Variants in GSE1 observed in about 807,000 individuals in gnomAD.
GSE1 encodes genetic suppressor element 1.
A neutral mutation model predicts 112.6 loss-of-function variants in GSE1; 32 were observed. The ratio of observed to expected loss-of-function variants is 0.28; its 90% CI spans 0.21 to 0.38. The LOEUF is 0.38. Ranked by LOEUF, GSE1 falls within the 10% of genes least tolerant of loss-of-function variation. The pLI is 1.00. For synonymous variants in GSE1, 1,115 were observed against 735.6 expected (o/e 1.52, Z -8.35); for missense variants, 2,348 against 1,699.2 (o/e 1.38, Z -6.71).
rs138022357 is a variant in GSE1 at position 85,378,196 on chromosome 16, G to A, written c.2464+20553G>A. ...CAGTGGGGGTAGGGCTCCCTCCTCC[G>A]TGGCAGGCTCTAGAAAGGCCAAGCT... is the stretch of plus-strand genomic sequence containing the variant. On this transcript the variant is annotated intron_variant, in intron 2 of 2. Transcript: ENST00000637419. Among the ~76,000 whole-genome samples the A allele has an allele frequency of 3.1e-3, 466 of 152,272 alleles. 3 individuals carry two copies. Among genetic ancestry groups the A allele is most frequent in the African/African-American group, 0.011 (447 of 41,558 alleles).
At chr16:85,650,518 C>A (rs1326478107) in intron 3 of GSE1, among the ~76,000 whole-genome samples, 3 of 152,226 alleles carry the variant, frequency 2.0e-5, no homozygotes, top group African/African-American at 7.2e-5. Flanking sequence ...GAGGGGATTC[C>A]AGCGCCTTTT....
intron 2 of GSE1, among the ~76,000 whole-genome samples, chr16:85,482,211 CAGTG>C (rs1468326349): frequency 6.7e-6 from 1 of 149,570 alleles, no homozygotes; most frequent in African/African-American, 2.6e-5. Flanking sequence ...TGATGGGAGA[CAGTG>C]GGTGAGGGTC....
At chr16:85,453,691 C>T (rs929400586) in intron 2 of GSE1, among the ~76,000 whole-genome samples, 25 of 152,194 alleles carry the variant, frequency 1.6e-4, no homozygotes, top group African/African-American at 5.5e-4. Context: ...GAAGAGGGGG[C>T]GCCACTGCCT....
rs55650214 is a variant in GSE1, at chr16:85,500,998, G to GTTTTTTTTTTT, written c.2465-132901_2465-132891dup. Among the ~76,000 whole-genome samples, 14 of 64,828 alleles carry GTTTTTTTTTTT rather than the reference G, an allele frequency of 2.2e-4. 1 individual carries two copies. Among genetic ancestry groups the GTTTTTTTTTTT allele is most frequent in the East Asian group, 5.5e-4 (1 of 1,824 alleles). The allele number at this position is 64,828 out of a possible 152,430, so 42.5% of individuals were successfully genotyped here. ...ACCCTACTCCAGTATGGCCTGTTCT[G>GTTTTTTTTTTT]TTTTTTTTTTTTTTTTTTTTTTTTT... On this transcript the variant is annotated intron_variant, in intron 2 of 2. Coordinates refer to the GSE1 transcript ENST00000637419.
chr16:85,297,744 C>CA (rs1004439302), intron 1 of GSE1, among the ~76,000 whole-genome samples: 4 of 152,220 alleles, frequency 2.6e-5, no homozygotes, highest in African/African-American at 9.6e-5. Context: ...CTCCTGGCCT[C>CA]AAGGGATCCT....
Position 85,425,962 on chromosome 16 carries a change from A to C in GSE1, c.2464+68319A>C, listed in dbSNP as rs770295735. Among the ~76,000 whole-genome samples, 3 of 152,160 alleles carry C rather than the reference A, an allele frequency of 2.0e-5. No homozygotes were observed. In the East Asian group the frequency reaches 5.8e-4, roughly 29 times the overall value. ...TTGTCAGTGGCGAGGCCGGGATTCAAACTTTAGACAGTCATGCTCTGGAAT... is the reference window on the plus strand; with the variant it reads ...TTGTCAGTGGCGAGGCCGGGATTCACACTTTAGACAGTCATGCTCTGGAAT... On this transcript the variant is annotated intron_variant, in intron 2 of 2. Coordinates refer to the GSE1 transcript ENST00000637419.
chr16:85,417,999 C>T (rs936899018), intron 2 of GSE1, among the ~76,000 whole-genome samples: 11 of 152,156 alleles, frequency 7.2e-5, no homozygotes, highest in Non-Finnish European at 1.0e-4. Flanking sequence ...CCACCATGCC[C>T]AGCTAATTTT....
chr16:85,307,599 C>T (rs768029017), intron 1 of GSE1, among the ~76,000 whole-genome samples: 39 of 48,866 alleles, frequency 8.0e-4, no homozygotes, highest in African/African-American at 1.9e-3. Context: ...ATGACAACAG[C>T]GTGTGATGGC....
intron 14 of GSE1, 75 bp downstream of exon 14, chr16:85,668,499 A>G: frequency 1.0e-6 from 1 of 1,003,566 alleles, no homozygotes; most frequent in Admixed American, 2.0e-5. Context: ...TGATGAGTTC[A>G]TGCAGACCTC....
chr16:85,464,514 C>T (rs899389997), intron 2 of GSE1, among the ~76,000 whole-genome samples: 5 of 152,248 alleles, frequency 3.3e-5, no homozygotes, highest in African/African-American at 1.2e-4. Flanking sequence ...CGGCAGCCCC[C>T]AGACGGCCTC....
At chr16:85,588,369 G>T (rs958159013) in intron 1 of GSE1, among the ~76,000 whole-genome samples, 3 of 152,126 alleles carry the variant, frequency 2.0e-5, no homozygotes, top group East Asian at 1.9e-4. Context: ...GCGGGCCTTG[G>T]GGGGCCCGTG....
intron 2 of GSE1, among the ~76,000 whole-genome samples, chr16:85,645,702 C>G (rs887617988): frequency 9.9e-5 from 15 of 152,214 alleles, no homozygotes; most frequent in Non-Finnish European, 1.9e-4. Context: ...GGAGATGAGG[C>G]TGCTTCTGCC....
intron 1 of GSE1, among the ~76,000 whole-genome samples, chr16:85,303,715 C>T (rs1331259399): frequency 1.3e-5 from 2 of 152,264 alleles, no homozygotes; most frequent in African/African-American, 4.8e-5. Context: ...GCCACAGGCA[C>T]CGGCCGCCGC....
chr16:85,191,563 C>T (rs544645246), intron 1 of GSE1, among the ~76,000 whole-genome samples: 3 of 152,290 alleles, frequency 2.0e-5, no homozygotes, highest in African/African-American at 7.2e-5. Flanking sequence ...GCTGATCTTT[C>T]CTGTTTCCCC....
At chr16:85,315,481 C>T (rs982348765) in intron 1 of GSE1, among the ~76,000 whole-genome samples, 2 of 152,070 alleles carry the variant, frequency 1.3e-5, no homozygotes, top group African/African-American at 4.8e-5. Flanking sequence ...TGCCTGGGAG[C>T]GGGCAGAGCC....
chr16:85,309,521 T>TAAATAAATA (rs569353129), intron 1 of GSE1, among the ~76,000 whole-genome samples: 13 of 151,712 alleles, frequency 8.6e-5, no homozygotes, highest in African/African-American at 3.1e-4. Flanking sequence ...AATAAATAAA[T>TAAATAAATA]AAGAAGAACC....
At chr16:85,572,781 T>C (rs1386780586) in intron 1 of GSE1, among the ~76,000 whole-genome samples, 1 of 152,154 alleles carries the variant, frequency 6.6e-6, no homozygotes, top group Non-Finnish European at 1.5e-5. Context: ...CATTGTGGGC[T>C]TTCTGGAAGA....
At chr16:85,665,222 A>C (rs1211366429) in intron 12 of GSE1, 94 bp downstream of exon 12, 4 of 693,822 alleles carry the variant, frequency 5.8e-6, no homozygotes, top group Non-Finnish European at 1.0e-5. Flanking sequence ...CATCATTGTG[A>C]ATGTGGCCTC....
chr16:85,492,260 G>T (rs1472884821), intron 2 of GSE1, among the ~76,000 whole-genome samples: 1 of 152,120 alleles, frequency 6.6e-6, no homozygotes, highest in Admixed American at 6.6e-5. Flanking sequence ...GCTGGGAGCC[G>T]CCCCCGTCGG....
Sources: gnomAD v4.1 joint callset for allele counts (sites outside exome capture counted in the v4.1 genomes callset) on GRCh38, gnomAD v4.1.1 for gene constraint, MANE v1.5 for transcripts, NCBI Gene and HGNC (gene_info 2026-07-23, HGNC 2026-07-21) for gene names.